Variants in CTNND2 observed in about 807,000 individuals in gnomAD.
CTNND2 encodes catenin delta 2.
In CTNND2, 22 loss-of-function variants were observed where a neutral mutation model predicts 144.4. That is an observed-to-expected ratio of 0.15 (90% CI 0.11 to 0.22). The LOEUF is 0.22. Among genes scored for constraint, CTNND2 ranks in the 10% least tolerant of loss-of-function variants. The pLI is 1.00. For synonymous variants in CTNND2, 751 were observed against 695.6 expected, an observed-to-expected ratio of 1.08 and a Z score of -1.25; for missense variants, 1,353 against 1,618.8, an observed-to-expected ratio of 0.84 and a Z score of 2.82.
At chr5:11,749,938 T>C (rs1271457686) in intron 1 of CTNND2, among the ~76,000 whole-genome samples, 1 of 152,028 alleles carries the variant, frequency 6.6e-6, no homozygotes, top group Non-Finnish European at 1.5e-5. Context: ...TATAATTATA[T>C]AGCTATGATT....
intron 10 of CTNND2, among the ~76,000 whole-genome samples, chr5:11,232,794 A>G (rs245088): frequency 0.91 from 138,472 of 152,222 alleles, 63,213 homozygotes; most frequent in East Asian, 0.99. Context: ...GGGACCAGGC[A>G]TGGAATGATA....
chr5:11,793,183 C>T (rs1368118697), intron 1 of CTNND2, among the ~76,000 whole-genome samples: 2 of 152,200 alleles, frequency 1.3e-5, no homozygotes, highest in Non-Finnish European at 2.9e-5. Flanking sequence ...TAAATGTCCA[C>T]TCTTCACATA....
chr5:11,121,136 G>T (rs539900846), intron 12 of CTNND2, among the ~76,000 whole-genome samples: 1 of 152,284 alleles, frequency 6.6e-6, no homozygotes, highest in African/African-American at 2.4e-5. Context: ...TAAGCATCAC[G>T]ACTTGAACAC....
At chr5:11,814,259 T>C (rs73064637) in intron 1 of CTNND2, among the ~76,000 whole-genome samples, 9,449 of 152,288 alleles carry the variant, frequency 0.062, 829 homozygotes, top group African/African-American at 0.19. Flanking sequence ...AATGTATCTT[T>C]GTGTATCTAC....
chr5:11,065,145 A>C (rs1747427642), intron 16 of CTNND2, among the ~76,000 whole-genome samples: 1 of 152,252 alleles, frequency 6.6e-6, no homozygotes, highest in Non-Finnish European at 1.5e-5. Context: ...GCTAAAATGC[A>C]GGTTTGCTAG....
chr5:11,565,066 A>T lies in CTNND2; in HGVS notation c.175-10T>A. 1 of 1,595,088 alleles carries T rather than the reference A, an allele frequency of 6.3e-7. No homozygotes were observed. Among genetic ancestry groups the T allele is most frequent in the Admixed American group, 1.7e-5 (1 of 59,980 alleles). On this transcript the variant is annotated splice_polypyrimidine_tract_variant and intron_variant, in intron 2 of 21. Transcript: ENST00000304623. ...TTTCAAACTGTAATTCCTGAAAGAA[A>T]CCCATCAACAAGATCAATTCAATCA...
At chr5:11,850,274 T>C (rs926559906) in intron 1 of CTNND2, among the ~76,000 whole-genome samples, 1 of 151,970 alleles carries the variant, frequency 6.6e-6, no homozygotes, top group Non-Finnish European at 1.5e-5. Context: ...AAATGAGAAA[T>C]ATAAGTGAAA....
intron 7 of CTNND2, among the ~76,000 whole-genome samples, chr5:11,377,347 G>C (rs907310047): frequency 2.0e-5 from 3 of 152,034 alleles, no homozygotes; most frequent in African/African-American, 7.3e-5. Context: ...GAGCCACTGG[G>C]CCCAGCCTCT....
chr5:11,653,620 G>T (rs1173709359), intron 2 of CTNND2, among the ~76,000 whole-genome samples: 2 of 151,964 alleles, frequency 1.3e-5, no homozygotes, highest in African/African-American at 4.8e-5. Flanking sequence ...TATGAGCTCT[G>T]TTATATATTT....
At chr5:11,404,597 G>T (rs1418963121) in intron 5 of CTNND2, among the ~76,000 whole-genome samples, 5 of 52,522 alleles carry the variant, frequency 9.5e-5, no homozygotes, top group South Asian at 7.8e-4. Flanking sequence ...GTCAGTATCT[G>T]TATTCTTTTT....
intron 9 of CTNND2, among the ~76,000 whole-genome samples, chr5:11,299,078 T>G (rs1749305631): frequency 6.6e-6 from 1 of 152,196 alleles, no homozygotes; most frequent in Non-Finnish European, 1.5e-5. Flanking sequence ...TTTGGAGAAC[T>G]ATTTTATTAG....
chr5:11,767,427 T>A (rs181189903), intron 1 of CTNND2, among the ~76,000 whole-genome samples: 5 of 152,286 alleles, frequency 3.3e-5, no homozygotes, highest in Middle Eastern at 3.4e-3. Context: ...CTTCCAGAAA[T>A]GCAGAACTCA....
At chr5:11,427,232 C>T (rs10474923) in intron 3 of CTNND2, among the ~76,000 whole-genome samples, 7,878 of 150,958 alleles carry the variant, frequency 0.052, 649 homozygotes, top group African/African-American at 0.18. Context: ...AGGAGAAAAG[C>T]CTTAGTATTT....
intron 2 of CTNND2, among the ~76,000 whole-genome samples, chr5:11,566,291 C>T (rs1777093180): frequency 2.0e-5 from 3 of 152,250 alleles, no homozygotes; most frequent in Non-Finnish European, 4.4e-5. Context: ...TGTTTTTTAA[C>T]CTCAAACTTT....
intron 2 of CTNND2, among the ~76,000 whole-genome samples, chr5:11,711,932 G>A (rs531585645): frequency 2.6e-5 from 4 of 152,240 alleles, no homozygotes; most frequent in Non-Finnish European, 5.9e-5. Context: ...CTGGATCACA[G>A]TAAGTCCTCA....
intron 2 of CTNND2, among the ~76,000 whole-genome samples, chr5:11,685,073 T>C (rs1289346317): frequency 6.6e-6 from 1 of 152,206 alleles, no homozygotes; most frequent in Non-Finnish European, 1.5e-5. Flanking sequence ...TAAAACAGTG[T>C]AGTATCTTCA....
intron 10 of CTNND2, among the ~76,000 whole-genome samples, chr5:11,218,568 T>C (rs1283398276): frequency 1.3e-5 from 2 of 152,156 alleles, no homozygotes; most frequent in East Asian, 3.9e-4. Flanking sequence ...GAAACTAGGA[T>C]TGAAAAAAAA....
chr5:11,776,816 T>C (rs1353025337), intron 1 of CTNND2, among the ~76,000 whole-genome samples: 3 of 152,206 alleles, frequency 2.0e-5, no homozygotes, highest in Non-Finnish European at 2.9e-5. Context: ...CACCAGAAGA[T>C]AGAAATATTT....
chr5:11,415,961 G>A (rs1034990741), intron 3 of CTNND2, among the ~76,000 whole-genome samples: 1 of 152,108 alleles, frequency 6.6e-6, no homozygotes. Context: ...AACCCACAGA[G>A]AACACAGAGC....
Sources: gnomAD v4.1 joint callset for allele counts (sites outside exome capture counted in the v4.1 genomes callset) on GRCh38, gnomAD v4.1.1 for gene constraint, MANE v1.5 for transcripts, NCBI Gene and HGNC (gene_info 2026-07-23, HGNC 2026-07-21) for gene names.